Variants in KSR2 observed in about 807,000 individuals in gnomAD.
KSR2 encodes kinase suppressor of ras 2.
Under a neutral mutation model 107.8 loss-of-function variants are expected in KSR2, and 25 were observed. That is an observed-to-expected ratio of 0.23 (90% CI 0.17 to 0.32). The LOEUF is 0.32. KSR2 is among the 10% of genes least tolerant of loss of function. KSR2 has a pLI of 1.00. For synonymous variants in KSR2, 480 were observed against 507.0 expected, an observed-to-expected ratio of 0.95 and a Z score of 0.71; for missense variants, 887 against 1,268.9, an observed-to-expected ratio of 0.70 and a Z score of 4.57.
chr12:117,707,249 G>C (rs1352835394), intron 4 of KSR2, among the ~76,000 whole-genome samples: 1 of 152,096 alleles, frequency 6.6e-6, no homozygotes, highest in East Asian at 1.9e-4. Context: ...GTAGGGATGG[G>C]GGTAAAATAG....
At chr12:117,566,874 C>T (rs1277871100) in intron 7 of KSR2, among the ~76,000 whole-genome samples, 1 of 152,184 alleles carries the variant, frequency 6.6e-6, no homozygotes, top group Non-Finnish European at 1.5e-5. Flanking sequence ...CTCTACTCAT[C>T]CTACTGCGCC....
intron 4 of KSR2, among the ~76,000 whole-genome samples, chr12:117,754,381 T>C (rs1301573600): frequency 2.0e-5 from 3 of 152,140 alleles, no homozygotes; most frequent in Non-Finnish European, 4.4e-5. Flanking sequence ...CTCACACCTG[T>C]AATCCCAGCA....
At chr12:117,551,063 T>C (rs1422558856) in intron 9 of KSR2, among the ~76,000 whole-genome samples, 7 of 152,210 alleles carry the variant, frequency 4.6e-5, no homozygotes, top group Non-Finnish European at 8.8e-5. Flanking sequence ...ACAGCTTGAA[T>C]ACAGCAGGCA....
chr12:117,470,837 T>C (rs1251958903), intron 18 of KSR2, among the ~76,000 whole-genome samples: 3 of 152,250 alleles, frequency 2.0e-5, no homozygotes. Flanking sequence ...AAAATTATTA[T>C]GTAGATGCAA....
chr12:117,901,273 C>A (rs375547398), intron 1 of KSR2, among the ~76,000 whole-genome samples: 2 of 151,290 alleles, frequency 1.3e-5, no homozygotes, highest in Admixed American at 1.3e-4. Context: ...ATAAACTATG[C>A]GATATTTTAA....
intron 14 of KSR2, among the ~76,000 whole-genome samples, chr12:117,505,150 TG>T (rs1407147333): frequency 6.6e-6 from 1 of 152,202 alleles, no homozygotes; most frequent in East Asian, 1.9e-4. Flanking sequence ...ATTCACTCAT[TG>T]GTCAATGGAC....
In KSR2 at chr12:117,671,042, T is replaced by C. The variant is rs116269890; in HGVS notation, c.987-3384A>G. Among the ~76,000 whole-genome samples, 641 of 152,240 alleles carry C rather than the reference T, an allele frequency of 4.2e-3. 9 individuals are homozygous for C. The highest frequency in any genetic ancestry group is 0.013 in the African/African-American group (555 of 41,542). ...CCAATGTCCTTAACATGGTACCCAA[T>C]ATCTACCCACACACACACCTTGGTC... On this transcript the variant is annotated intron_variant, in intron 4 of 19. Coordinates refer to ENST00000339824, the MANE Select transcript of KSR2 (RefSeq NM_173598.6).
chr12:117,547,421 A>G (rs556418887), intron 9 of KSR2, among the ~76,000 whole-genome samples: 45 of 152,194 alleles, frequency 3.0e-4, no homozygotes, highest in East Asian at 7.8e-4. Flanking sequence ...CTACCTCAGC[A>G]GGTGTGGGAG....
chr12:117,595,034 A>G lies in KSR2; in HGVS notation c.1172-12675T>C, dbSNP rs78228554. On this transcript the variant is annotated intron_variant, in intron 5 of 19. Coordinates refer to ENST00000339824, the MANE Select transcript of KSR2 (RefSeq NM_173598.6). ...CTGATACAATCCATTAAATGCATGG[A>G]CAGATCTAAAAACAGGCTCAGTCAC... 5.3e-4 allele frequency among the ~76,000 whole-genome samples: 81 copies of G among 152,296 alleles called. No homozygotes were observed. The East Asian group carries it at 0.013, about 25-fold the overall frequency.
intron 4 of KSR2, among the ~76,000 whole-genome samples, chr12:117,675,743 C>G (rs1885090012): frequency 6.6e-6 from 1 of 152,312 alleles, no homozygotes; most frequent in South Asian, 2.1e-4. Flanking sequence ...GAAGCCTTTA[C>G]CCGGCCAAAT....
At chr12:117,653,785 T>C (rs1011059184) in intron 5 of KSR2, among the ~76,000 whole-genome samples, 2 of 152,218 alleles carry the variant, frequency 1.3e-5, no homozygotes, top group African/African-American at 4.8e-5. Context: ...CATTCCTCAT[T>C]TGGGTGTGTT....
intron 4 of KSR2, among the ~76,000 whole-genome samples, chr12:117,752,140 C>T (rs1488908420): frequency 6.6e-6 from 1 of 152,182 alleles, no homozygotes. Flanking sequence ...CTAGGCCAAG[C>T]ACGAAATATG....
Position 117,770,976 on chromosome 12 carries a change from C to CAAAAA in KSR2, c.473-9457_473-9453dup, listed in dbSNP as rs61641342. On this transcript the variant is annotated intron_variant, in intron 3 of 19. Transcript: ENST00000339824. ...TGGGCGACAGAGCGAGACTCCGTCT[C>CAAAAA]AAAAAAAAAAAAAAAAAAAAGACAG... Among the ~76,000 whole-genome samples, 77 of 66,124 alleles carry CAAAAA rather than the reference C, an allele frequency of 1.2e-3. 1 individual carries two copies. The highest frequency in any genetic ancestry group is 1.7e-3 in the Non-Finnish European group (52 of 30,816). 43.4% of individuals were successfully genotyped at this position (66,124 alleles called of 152,430 possible).
chr12:117,626,779 TG>T (rs953543286), intron 5 of KSR2, among the ~76,000 whole-genome samples: 1 of 152,170 alleles, frequency 6.6e-6, no homozygotes, highest in Non-Finnish European at 1.5e-5. Flanking sequence ...TCTGTCTCAT[TG>T]ATCTGCCTAA....
At chr12:117,562,124 G>C (rs1006384486) in intron 7 of KSR2, among the ~76,000 whole-genome samples, 6 of 152,188 alleles carry the variant, frequency 3.9e-5, no homozygotes, top group African/African-American at 1.2e-4. Flanking sequence ...GGTAGGGGAA[G>C]CCGAGTTCCA....
chr12:117,558,781 G>A (rs1476847482), intron 7 of KSR2, among the ~76,000 whole-genome samples: 1 of 130,542 alleles, frequency 7.7e-6, no homozygotes, highest in Non-Finnish European at 1.6e-5. Flanking sequence ...TAAATTGGTA[G>A]ATGGATTGAT....
intron 14 of KSR2, among the ~76,000 whole-genome samples, chr12:117,499,156 A>T (rs1417060589): frequency 6.6e-6 from 1 of 152,212 alleles, no homozygotes; most frequent in East Asian, 1.9e-4. Flanking sequence ...CTTTTTGTTG[A>T]CTCACCAGAA....
intron 5 of KSR2, among the ~76,000 whole-genome samples, chr12:117,660,503 C>T (rs1384210223): frequency 2.0e-5 from 3 of 152,132 alleles, no homozygotes; most frequent in Non-Finnish European, 4.4e-5. Flanking sequence ...GTCCAAATTT[C>T]CCTCTTCTTA....
At chr12:117,672,806 A>G (rs575877241) in intron 4 of KSR2, among the ~76,000 whole-genome samples, 57 of 152,156 alleles carry the variant, frequency 3.7e-4, no homozygotes, top group African/African-American at 1.3e-3. Flanking sequence ...TGTGTTTTTA[A>G]TAGAGACGGG....
Sources: allele counts gnomAD v4.1 joint callset (sites outside exome capture counted in the v4.1 genomes callset), GRCh38; gene constraint gnomAD v4.1.1; transcripts MANE v1.5; gene names NCBI Gene and HGNC (gene_info 2026-07-23, HGNC 2026-07-21).